Variants in SLC2A4RG observed in about 807,000 individuals in gnomAD.
The protein encoded by SLC2A4RG is SLC2A4 regulator.
In SLC2A4RG, 23 loss-of-function variants were observed where a neutral mutation model predicts 35.5. The observed-to-expected ratio is 0.65, with a 90% CI of 0.47 to 0.92. The LOEUF is 0.92. SLC2A4RG is among the 40% of genes least tolerant of loss of function. SLC2A4RG has a pLI of 0.00. For missense variants in SLC2A4RG, 539 were observed against 525.0 expected (o/e 1.03, Z -0.26); for synonymous variants, 306 against 243.7 (o/e 1.26, Z -2.38).
intron 2 of SLC2A4RG, among the ~76,000 whole-genome samples, chr20:63,741,101 C>T (rs905767002): frequency 2.0e-5 from 3 of 152,344 alleles, no homozygotes; most frequent in African/African-American, 4.8e-5. Context: ...GACCCCTGCC[C>T]AGCCCCAGTA....
At chr20:63,740,866 G>A (rs986599090) in intron 2 of SLC2A4RG, among the ~76,000 whole-genome samples, 2 of 152,128 alleles carry the variant, frequency 1.3e-5, no homozygotes, top group Non-Finnish European at 2.9e-5. Context: ...TGCCAGGCCG[G>A]ACACCTCGGT....
Position 63,742,438 on chromosome 20 carries a change from T to G in SLC2A4RG, c.783T>G (p.Thr261=). The G allele has an allele frequency of 6.2e-7, 1 of 1,606,236 alleles. No homozygotes were observed. Reference sequence around the variant, plus strand: ...TGACCGACGGGCTGTCCAGCCTGACTCCAGTGTCCCCCACGGCCTCCATGC... The same window carrying G: ...TGACCGACGGGCTGTCCAGCCTGACGCCAGTGTCCCCCACGGCCTCCATGC... ...DTLTDGLSSL[T]PVSPTASMPP... is the part of the protein sequence containing the mutation. The change falls in exon 6 of 8, where the codon ACT becomes ACG. Residue 261 remains threonine, a synonymous_variant. Transcript: ENST00000266077.
In SLC2A4RG at chr20:63,743,226, A is replaced by G. The variant is rs1055039775; in HGVS notation, c.*236A>G. The G allele has an allele frequency of 1.6e-5, 7 of 446,160 alleles. No homozygotes were observed. The East Asian group carries it at 2.7e-4, about 17-fold the overall frequency. The allele number at this position is 446,160 out of a possible 1,614,324, so 27.6% of individuals were successfully genotyped here. ...AACCAGCTTTTTGCACTAAAGCCAA[A>G]CCACACCGCTGTCCCCTTAGCCCCA... On this transcript the variant is annotated 3_prime_UTR_variant, in exon 8 of 8. Coordinates refer to ENST00000266077, the MANE Select transcript of SLC2A4RG (RefSeq NM_020062.4).
rs1482116894 is a variant in SLC2A4RG, at chr20:63,743,041, T to C, written c.*51T>C. On this transcript the variant is annotated 3_prime_UTR_variant, in exon 8 of 8. Transcript: ENST00000266077. ...TACCACCTTCTCCCTCCCCACCCCC[T>C]CCAGGCCCGGGGCTGAAACAGCCCG... 2 of 1,310,734 alleles carry C rather than the reference T, an allele frequency of 1.5e-6. No homozygotes were observed. Among genetic ancestry groups the C allele is most frequent in the Non-Finnish European group, 1.0e-6 (1 of 985,514 alleles). The allele number at this position is 1,310,734 out of a possible 1,614,324, so 81.2% of individuals were successfully genotyped here. A position where few individuals can be genotyped will look rare whatever the true frequency, so the allele number is the denominator to read the frequency against.
At chr20:63,740,555 G>C in intron 2 of SLC2A4RG, 24 bp downstream of exon 2, 1 of 1,228,310 alleles carries the variant, frequency 8.1e-7, no homozygotes, top group South Asian at 4.1e-5. Flanking sequence ...CCGGTGCCTC[G>C]GGACTCGGTG....
In SLC2A4RG at chr20:63,743,323, T is replaced by TG. The variant is rs970930009; in HGVS notation, c.*339dup. On this transcript the variant is annotated 3_prime_UTR_variant, in exon 8 of 8. Transcript: ENST00000266077. ...ATCAAGGGTGTTATGGGCCCAGCTT[T>TG]GGGGGGCCAGTCCCGATGCACTTTG... 2.7e-5 allele frequency: 6 copies of TG among 218,696 alleles called. No homozygotes were observed. The highest frequency in any genetic ancestry group is 1.1e-4 in the African/African-American group (5 of 43,836). The allele number at this position is 218,696 out of a possible 1,614,324, so 13.5% of individuals were successfully genotyped here. A position where few individuals can be genotyped will look rare whatever the true frequency, so the allele number is the denominator to read the frequency against.
intron 1 of SLC2A4RG, 53 bp from the exon 2 acceptor site, chr20:63,740,323 AC>A (rs1197413929): frequency 7.5e-5 from 83 of 1,102,690 alleles, no homozygotes; most frequent in Non-Finnish European, 8.9e-5. Context: ...AGGTTGAGGG[AC>A]CCCCCTCCCC....
Position 63,739,970 on chromosome 20 carries a change from G to A in SLC2A4RG, c.58G>A (p.Ala20Thr). ...GRDPSALRAE[A>T]PWLRAEGPGP... ...GGACCCCAGTGCGCTGCGGGCCGAG[G>A]CGCCGTGGCTGCGCGCGGAGGGTCC... The change falls in exon 1 of 8, where the codon GCG (alanine) becomes ACG (threonine). Residue 20 changes from alanine to threonine, a missense_variant. Physicochemically the swap from Ala to Thr is moderately conservative, Grantham distance 58 (BLOSUM62 0). Coordinates refer to ENST00000266077, the MANE Select transcript of SLC2A4RG (RefSeq NM_020062.4). The A allele has an allele frequency of 1.0e-6, 1 of 980,288 alleles. No homozygotes were observed. Among genetic ancestry groups the A allele is most frequent in the East Asian group, 1.2e-4 (1 of 8,640 alleles). The allele number at this position is 980,288 out of a possible 1,614,324, so 60.7% of individuals were successfully genotyped here.
chr20:63,743,067 A>G lies in SLC2A4RG; in HGVS notation c.*77A>G, dbSNP rs2145724522. Reference sequence around the variant, plus strand: ...CCAGGCCCGGGGCTGAAACAGCCCGAGGACAGCCCCAGGGGCTGGCTTTCA... The same window carrying G: ...CCAGGCCCGGGGCTGAAACAGCCCGGGGACAGCCCCAGGGGCTGGCTTTCA... On this transcript the variant is annotated 3_prime_UTR_variant, in exon 8 of 8. Transcript: ENST00000266077. The G allele has an allele frequency of 3.0e-6, 3 of 1,007,214 alleles. No individual in the cohort carries two copies. The highest frequency in any genetic ancestry group is 4.0e-6 in the Non-Finnish European group (3 of 751,952). The allele number at this position is 1,007,214 out of a possible 1,614,324, so 62.4% of individuals were successfully genotyped here. A position where few individuals can be genotyped will look rare whatever the true frequency, so the allele number is the denominator to read the frequency against.
intron 3 of SLC2A4RG, 132 bp downstream of exon 3, chr20:63,741,611 C>T (rs1568812208): frequency 2.7e-6 from 3 of 1,091,326 alleles, no homozygotes; most frequent in South Asian, 1.6e-5. Context: ...CCCGCACCCT[C>T]AGTGCCCCCT....
At position 63,739,996 on chromosome 20, in the gene SLC2A4RG, G is replaced by A. The variant is rs1398906082; in HGVS notation, c.84G>A (p.Pro28=). ...AEAPWLRAEG[P]GPRAAPVTVP... ...CGCCGTGGCTGCGCGCGGAGGGTCC[G>A]GGGCCGCGCGCCGCGCCCGTGACGG... Residue 28 remains proline, a synonymous_variant, in exon 1 of 8, where the codon CCG becomes CCA. Coordinates refer to ENST00000266077, the MANE Select transcript of SLC2A4RG (RefSeq NM_020062.4). 1 of 980,654 alleles carries A rather than the reference G, an allele frequency of 1.0e-6. No individual in the cohort carries two copies. The highest frequency in any genetic ancestry group is 1.2e-6 in the Non-Finnish European group (1 of 828,260). 60.7% of individuals were successfully genotyped at this position (980,654 alleles called of 1,614,324 possible).
In SLC2A4RG at chr20:63,742,629, C is replaced by T. The variant is rs1177161466; in HGVS notation, c.960+14C>T. On this transcript the variant is annotated intron_variant, in intron 6 of 7. Coordinates refer to ENST00000266077, the MANE Select transcript of SLC2A4RG (RefSeq NM_020062.4). ...CGTGTCTACCAGGTGGGTGAGGCCA[C>T]GGGTGGCAGCTGGGGCGGGTCTCAG... 7.6e-6 allele frequency: 12 copies of T among 1,576,554 alleles called. No homozygotes were observed. The highest frequency in any genetic ancestry group is 4.0e-5 in the African/African-American group (3 of 74,436).
chr20:63,741,053 GA>G (rs2092039017), intron 2 of SLC2A4RG, among the ~76,000 whole-genome samples: 2 of 152,204 alleles, frequency 1.3e-5, no homozygotes, highest in African/African-American at 4.8e-5. Flanking sequence ...GTGATGGGGG[GA>G]GGCCTGGGCC....
intron 5 of SLC2A4RG, 30 bp downstream of exon 5, chr20:63,742,260 C>T (rs1381687653): frequency 1.3e-6 from 2 of 1,588,030 alleles, no homozygotes; most frequent in East Asian, 4.6e-5. Context: ...GCGGCGGGGC[C>T]TGCGGGTTGG....
rs753173227 is a variant in SLC2A4RG at position 63,742,873 on chromosome 20, G to C, written c.1053-6G>C. ...AGCACCCCATGTCCTGTGACCCCCC[G>C]CACAGGAAGCCCCGCGGCGACGCGA... On this transcript the variant is annotated splice_polypyrimidine_tract_variant and splice_region_variant and intron_variant, in intron 7 of 7. Coordinates refer to ENST00000266077, the MANE Select transcript of SLC2A4RG (RefSeq NM_020062.4). The C allele has an allele frequency of 1.9e-6, 3 of 1,609,342 alleles. No homozygotes were observed. The highest frequency in any genetic ancestry group is 2.2e-5 in the South Asian group (2 of 90,628).
chr20:63,739,885 T>A lies in SLC2A4RG; in HGVS notation c.-28T>A. 1.0e-6 allele frequency: 1 copy of A among 976,254 alleles called. No homozygotes were observed. Among genetic ancestry groups the A allele is most frequent in the Non-Finnish European group, 1.2e-6 (1 of 827,214 alleles). 60.5% of individuals were successfully genotyped at this position (976,254 alleles called of 1,614,324 possible). On this transcript the variant is annotated 5_prime_UTR_variant, in exon 1 of 8. Transcript: ENST00000266077. ...CGTCCTGAGAGTCAGCCCTCGCCGC[T>A]GCAGCCTCGGCGCCCGGCCGGCCGG...
rs780277032 is a variant in SLC2A4RG at position 63,741,961 on chromosome 20, G to A, written c.484G>A (p.Ala162Thr). ...CAGTGGAGACTGGGGATGGGACCTG[G>A]CCAGTGACCAGTCCTCTCCGTCCAC... is the stretch of plus-strand genomic sequence containing the variant. ...SNSGDWGWDL[A>T]SDQSSPSTPS... The change falls in exon 4 of 8, where the codon GCC (alanine) becomes ACC (threonine). Residue 162 changes from alanine (A) to threonine (T), a missense_variant. Ala to Thr is a moderately conservative substitution (Grantham distance 58, BLOSUM62 0). Coordinates refer to ENST00000266077, the MANE Select transcript of SLC2A4RG (RefSeq NM_020062.4). The A allele has an allele frequency of 1.7e-5, 27 of 1,612,926 alleles. No individual in the cohort carries two copies. Among genetic ancestry groups the A allele is most frequent in the Non-Finnish European group, 2.3e-5 (27 of 1,179,822 alleles).
rs2092058843 is a variant in SLC2A4RG, at chr20:63,743,739, GA to G, written c.*752del. ...GGATGTCTAAGCTAATCCCGTCACA[GA>G]AAGGAAACGCACAGGCGCCTAGGCA... On this transcript the variant is annotated 3_prime_UTR_variant, in exon 8 of 8. Transcript: ENST00000266077. 6.6e-6 allele frequency: 1 copy of G among 152,456 alleles called. No individual in the cohort carries two copies. The highest frequency in any genetic ancestry group is 2.1e-4 in the South Asian group (1 of 4,834). 9.4% of individuals were successfully genotyped at this position (152,456 alleles called of 1,614,324 possible). A position where few individuals can be genotyped will look rare whatever the true frequency, so the allele number is the denominator to read the frequency against.
intron 3 of SLC2A4RG, 44 bp downstream of exon 3, chr20:63,741,523 G>A (rs764855468): frequency 1.3e-6 from 2 of 1,549,686 alleles, no homozygotes; most frequent in Non-Finnish European, 1.8e-6. Flanking sequence ...GTGGGGACAG[G>A]GCTCAGAACC....
Sources: allele counts gnomAD v4.1 joint callset (sites outside exome capture counted in the v4.1 genomes callset), GRCh38; gene constraint gnomAD v4.1.1; transcripts MANE v1.5; gene names NCBI Gene and HGNC (gene_info 2026-07-23, HGNC 2026-07-21).